Variants in PRR16 observed in about 807,000 individuals in gnomAD.
PRR16 encodes protein Largen.
Under a neutral mutation model 18.2 loss-of-function variants are expected in PRR16, and 6 were observed. The observed-to-expected ratio is 0.33, with a 90% CI of 0.18 to 0.65. PRR16 has a LOEUF of 0.65. PRR16 is among the 30% of genes least tolerant of loss of function. The probability of loss-of-function intolerance (pLI) is 0.74; values close to 1 mark genes in which losing one functional copy is unlikely to be tolerated. For synonymous variants in PRR16, 151 were observed against 147.8 expected, an observed-to-expected ratio of 1.02 and a Z score of -0.16; for missense variants, 412 against 376.6, an observed-to-expected ratio of 1.09 and a Z score of -0.78.
At chr5:120,755,294 G>T in the PRR16 span, among the ~76,000 whole-genome samples, 1 of 152,042 alleles carries the variant, frequency 6.6e-6, no homozygotes, top group East Asian at 1.9e-4. Flanking sequence ...TGGATATATT[G>T]CAAGATGCTG....
rs557357852 is a variant in PRR16 at position 120,468,926 on chromosome 5, C to T, written c.159+4281C>T. 9.2e-5 allele frequency among the ~76,000 whole-genome samples: 14 copies of T among 152,290 alleles called. No homozygotes were observed. The South Asian group carries it at 2.9e-3, about 32-fold the overall frequency. On this transcript the variant is annotated intron_variant, in intron 1 of 1. Coordinates refer to ENST00000407149, the MANE Select transcript of PRR16 (RefSeq NM_001300783.2). ...TTTCTTGAGAGGCTTTCTGAATAGA[C>T]ATGACTCTAACAGAGAAACTAAAAT... is the stretch of plus-strand genomic sequence containing the variant.
chr5:120,639,049 T>TGTA (rs571774668), intron 1 of PRR16, among the ~76,000 whole-genome samples: 499 of 152,238 alleles, frequency 3.3e-3, no homozygotes, highest in Non-Finnish European at 5.7e-3. Flanking sequence ...CAAACGAGTA[T>TGTA]GTAGTGACTT....
At chr5:120,525,585 T>C (rs1580685778) in intron 1 of PRR16, among the ~76,000 whole-genome samples, 1 of 151,690 alleles carries the variant, frequency 6.6e-6, no homozygotes, top group East Asian at 1.9e-4. Flanking sequence ...CACATGTATT[T>C]CCTTTAGTAG....
intron 1 of PRR16, among the ~76,000 whole-genome samples, chr5:120,650,989 G>C (rs923683941): frequency 6.6e-6 from 1 of 152,100 alleles, no homozygotes; most frequent in Non-Finnish European, 1.5e-5. Context: ...TCCAGCACCT[G>C]TTGTTTCCTG....
At chr5:120,493,329 A>G (rs1001664792) in intron 1 of PRR16, among the ~76,000 whole-genome samples, 2 of 152,102 alleles carry the variant, frequency 1.3e-5, no homozygotes, top group South Asian at 4.1e-4. Context: ...ACATTTTTTC[A>G]TATGGTTGTT....
chr5:120,652,481 T>C (rs75186954), intron 1 of PRR16, among the ~76,000 whole-genome samples: 1 of 151,734 alleles, frequency 6.6e-6, no homozygotes, highest in African/African-American at 2.4e-5. Flanking sequence ...CAGCTTAATA[T>C]CAATGTAATA....
the PRR16 span, among the ~76,000 whole-genome samples, chr5:120,735,907 T>C: frequency 6.6e-6 from 1 of 152,190 alleles, no homozygotes; most frequent in South Asian, 2.1e-4. Flanking sequence ...TACAATGTCA[T>C]AAAGCTTTTC....
the PRR16 span, among the ~76,000 whole-genome samples, chr5:120,710,394 CA>C: frequency 6.6e-6 from 1 of 152,004 alleles, no homozygotes; most frequent in Non-Finnish European, 1.5e-5. Flanking sequence ...GTACTCTTCC[CA>C]AAGTATCCAG....
chr5:120,491,787 G>T (rs1750059044), intron 1 of PRR16, among the ~76,000 whole-genome samples: 2 of 152,064 alleles, frequency 1.3e-5, no homozygotes, highest in Non-Finnish European at 2.9e-5. Context: ...CAGGCAGTCT[G>T]CCCGCCTTGG....
intron 1 of PRR16, among the ~76,000 whole-genome samples, chr5:120,549,322 A>G (rs1218777758): frequency 6.6e-6 from 1 of 152,096 alleles, no homozygotes; most frequent in African/African-American, 2.4e-5. Context: ...TCCTGGGCAC[A>G]AGCCTTGACC....
chr5:120,516,095 T>C (rs1013005726), intron 1 of PRR16, among the ~76,000 whole-genome samples: 1 of 152,164 alleles, frequency 6.6e-6, no homozygotes, highest in Non-Finnish European at 1.5e-5. Flanking sequence ...CTGAAAATTT[T>C]CTGCTAGAAA....
At position 120,531,810 on chromosome 5, in the gene PRR16, A is replaced by G. The variant is rs148443356; in HGVS notation, c.159+67165A>G. ...ATTATAAATATTTAATTTGTACAAT[A>G]TATGTAAATATGTAAATATGCTACA... On this transcript the variant is annotated intron_variant, in intron 1 of 1. Transcript: ENST00000407149. 2.6e-5 allele frequency among the ~76,000 whole-genome samples: 4 copies of G among 152,238 alleles called. No individual in the cohort carries two copies. In the East Asian group the frequency reaches 7.7e-4, roughly 29 times the overall value.
chr5:120,612,178 G>A (rs1580786365), intron 1 of PRR16, among the ~76,000 whole-genome samples: 1 of 152,138 alleles, frequency 6.6e-6, no homozygotes, highest in Non-Finnish European at 1.5e-5. Flanking sequence ...CTGTTTCTAG[G>A]AAGAAACATT....
chr5:120,684,403 G>C (rs1227287235), intron 1 of PRR16, among the ~76,000 whole-genome samples: 2 of 152,056 alleles, frequency 1.3e-5, no homozygotes, highest in African/African-American at 4.8e-5. Flanking sequence ...TTCATTTTGA[G>C]CCCAATCCTG....
In PRR16 at chr5:120,479,716, G is replaced by A. The variant is rs529854576; in HGVS notation, c.159+15071G>A. Among the ~76,000 whole-genome samples, 15 of 135,320 alleles carry A rather than the reference G, an allele frequency of 1.1e-4. No homozygotes were observed. The East Asian group carries it at 2.7e-3, about 25-fold the overall frequency. The allele number at this position is 135,320 out of a possible 152,430, so 88.8% of individuals were successfully genotyped here. The stretch of plus-strand genomic sequence containing the variant: ...TACATTGTAAAAGTAACTTATTGCC[G>A]TTTACTGTTTTTTTTAAAATCAGGG... On this transcript the variant is annotated intron_variant, in intron 1 of 1. Coordinates refer to ENST00000407149, the MANE Select transcript of PRR16 (RefSeq NM_001300783.2).
intron 1 of PRR16, among the ~76,000 whole-genome samples, chr5:120,478,589 A>G (rs184403154): frequency 2.9e-4 from 44 of 152,190 alleles, no homozygotes; most frequent in African/African-American, 1.1e-3. Context: ...CCTATGTAGA[A>G]ATTTTGGAGA....
At chr5:120,559,336 AAG>A (rs1752507277) in intron 1 of PRR16, among the ~76,000 whole-genome samples, 1 of 151,806 alleles carries the variant, frequency 6.6e-6, no homozygotes, top group Non-Finnish European at 1.5e-5. Context: ...GATGAGAGGT[AAG>A]GGTCTAGTTT....
intron 1 of PRR16, among the ~76,000 whole-genome samples, chr5:120,470,795 T>C (rs2112797480): frequency 6.6e-6 from 1 of 152,274 alleles, no homozygotes; most frequent in East Asian, 1.9e-4. Flanking sequence ...AGGTCCGAGA[T>C]AGTAAGTCAT....
chr5:120,696,676 T>C, the PRR16 span, among the ~76,000 whole-genome samples: 1 of 152,200 alleles, frequency 6.6e-6, no homozygotes, highest in Non-Finnish European at 1.5e-5. Flanking sequence ...TGTTAGTATC[T>C]GAATCTTGGT....
Sources: allele counts gnomAD v4.1 joint callset (sites outside exome capture counted in the v4.1 genomes callset), GRCh38; gene constraint gnomAD v4.1.1; transcripts MANE v1.5; gene names NCBI Gene and HGNC (gene_info 2026-07-23, HGNC 2026-07-21).